The following WWOX variants were observed in gnomAD, a reference collection of about 807,000 sequenced individuals.
WWOX encodes the protein WW domain containing oxidoreductase.
Under a neutral mutation model 46.2 loss-of-function variants are expected in WWOX, and 69 were observed. The observed-to-expected ratio is 1.49, with a 90% CI of 1.23 to 1.82. The LOEUF (loss-of-function observed/expected upper bound fraction) is 1.82. WWOX is among the 40% of genes most tolerant of loss of function. WWOX has a pLI of 0.00. For missense variants in WWOX, 919 were observed against 542.6 expected, an observed-to-expected ratio of 1.69 and a Z score of -6.89; for synonymous variants, 359 against 202.6, an observed-to-expected ratio of 1.77 and a Z score of -6.56.
rs116261475 is a variant in WWOX, at chr16:78,704,961, C to T, written c.1056+272209C>T. 3.8e-3 allele frequency among the ~76,000 whole-genome samples: 573 copies of T among 150,554 alleles called. 1 individual carries two copies. Among genetic ancestry groups the T allele is most frequent in the African/African-American group, 0.013 (548 of 40,826 alleles). On this transcript the variant is annotated intron_variant, in intron 8 of 8. Transcript: ENST00000566780. ...AAGAGGAGGAAGCCTTAAAAACCAG[C>T]GACAGTCTTGGTTTTCTTAACCTGT...
chr16:78,156,446 T>A (rs1002270059), intron 4 of WWOX, among the ~76,000 whole-genome samples: 7 of 152,210 alleles, frequency 4.6e-5, no homozygotes, highest in Admixed American at 6.5e-5. Context: ...AAGAGGGCCA[T>A]CGTGTTGCAG....
At chr16:78,459,382 C>G (rs562919596) in intron 8 of WWOX, among the ~76,000 whole-genome samples, 1 of 152,146 alleles carries the variant, frequency 6.6e-6, no homozygotes, top group Non-Finnish European at 1.5e-5. Context: ...TGGATATTTC[C>G]GAGTGGCCTA....
chr16:78,611,293 C>A (rs755879234), intron 8 of WWOX, among the ~76,000 whole-genome samples: 2 of 152,156 alleles, frequency 1.3e-5, no homozygotes, highest in Non-Finnish European at 2.9e-5. Flanking sequence ...TCAACCTAGC[C>A]TTTTATTTTA....
chr16:78,934,641 AATGTG>A (rs1380441572), intron 8 of WWOX, among the ~76,000 whole-genome samples: 1 of 152,096 alleles, frequency 6.6e-6, no homozygotes, highest in Non-Finnish European at 1.5e-5. Flanking sequence ...AGGCCTTGCT[AATGTG>A]GGGTCTTTGT....
intron 8 of WWOX, among the ~76,000 whole-genome samples, chr16:78,930,732 G>C (rs563597281): frequency 1.5e-3 from 227 of 152,138 alleles, no homozygotes; most frequent in African/African-American, 5.0e-3. Flanking sequence ...GAGTAAAGTT[G>C]AGCAGAAGAA....
At chr16:78,910,832 C>T (rs745944858) in intron 8 of WWOX, among the ~76,000 whole-genome samples, 21 of 151,824 alleles carry the variant, frequency 1.4e-4, no homozygotes, top group Non-Finnish European at 1.9e-4. Flanking sequence ...CCTCCCATGA[C>T]GTGGGAATTA....
chr16:78,897,643 C>T (rs1454800991), intron 8 of WWOX: 3 of 152,184 alleles, frequency 2.0e-5, no homozygotes, highest in Middle Eastern at 3.4e-3. Context: ...ATTCATAAAT[C>T]CTGTATACAT....
intron 8 of WWOX, among the ~76,000 whole-genome samples, chr16:78,882,058 G>A (rs948667401): frequency 6.7e-6 from 1 of 149,678 alleles, no homozygotes; most frequent in African/African-American, 2.5e-5. Flanking sequence ...CCCGGGAGAC[G>A]GAGGTTGCAG....
At chr16:78,392,023 C>A (rs970491890) in intron 6 of WWOX, among the ~76,000 whole-genome samples, 1 of 133,198 alleles carries the variant, frequency 7.5e-6, no homozygotes, top group African/African-American at 2.8e-5. Flanking sequence ...AAAAAAATTT[C>A]TTTTAATGCA....
intron 8 of WWOX, among the ~76,000 whole-genome samples, chr16:78,480,542 A>G (rs2084461072): frequency 6.6e-6 from 1 of 152,246 alleles, no homozygotes; most frequent in East Asian, 1.9e-4. Context: ...TGCTAAGAAA[A>G]GAGGTGGCAG....
intron 8 of WWOX, among the ~76,000 whole-genome samples, chr16:79,136,047 C>A (rs1048429224): frequency 1.3e-5 from 2 of 152,114 alleles, no homozygotes; most frequent in East Asian, 3.9e-4. Context: ...TTTTAACTTT[C>A]TATATTCAAA....
At chr16:78,433,098 A>G (rs181830925) in intron 8 of WWOX, among the ~76,000 whole-genome samples, 11 of 152,310 alleles carry the variant, frequency 7.2e-5, no homozygotes, top group African/African-American at 2.6e-4. Context: ...GGAGCACTTG[A>G]AAACTGCTGT....
intron 8 of WWOX, among the ~76,000 whole-genome samples, chr16:78,555,403 A>T (rs1172345298): frequency 6.6e-6 from 1 of 152,124 alleles, no homozygotes; most frequent in Non-Finnish European, 1.5e-5. Context: ...CGATGTGTAT[A>T]GCATACAGAG....
intron 8 of WWOX, among the ~76,000 whole-genome samples, chr16:78,983,128 A>G (rs530082330): frequency 6.6e-6 from 1 of 152,324 alleles, no homozygotes; most frequent in South Asian, 2.1e-4. Flanking sequence ...GCATCCAAAC[A>G]TCTTTTTCCC....
chr16:78,500,838 C>T (rs2085044472), intron 8 of WWOX, among the ~76,000 whole-genome samples: 1 of 152,132 alleles, frequency 6.6e-6, no homozygotes, highest in African/African-American at 2.4e-5. Context: ...TGTACAACAG[C>T]GCCTGTGCTG....
intron 5 of WWOX, chr16:78,355,758 C>A (rs1203012256): frequency 1.4e-6 from 1 of 710,878 alleles, no homozygotes; most frequent in Non-Finnish European, 2.5e-6. Context: ...TATGAATCAA[C>A]AAAACAGAAT....
At chr16:78,632,078 A>G (rs770490892) in intron 8 of WWOX, among the ~76,000 whole-genome samples, 1 of 152,308 alleles carries the variant, frequency 6.6e-6, no homozygotes, top group African/African-American at 2.4e-5. Flanking sequence ...CAGAAACTGG[A>G]GACCAAACTA....
chr16:78,848,756 A>G lies in WWOX; in HGVS notation c.1057-362852A>G, dbSNP rs572673916. Reference sequence around the variant, plus strand: ...GGTTGAACCACCAGTTCTCAATGCCATACATGAGATTCCCAAAATAGACGG... The same window carrying G: ...GGTTGAACCACCAGTTCTCAATGCCGTACATGAGATTCCCAAAATAGACGG... On this transcript the variant is annotated intron_variant, in intron 8 of 8. Coordinates refer to ENST00000566780, the MANE Select transcript of WWOX (RefSeq NM_016373.4). 2.4e-4 allele frequency among the ~76,000 whole-genome samples: 37 copies of G among 152,050 alleles called. 1 individual carries two copies. Among genetic ancestry groups the G allele is most frequent in the African/African-American group, 7.2e-4 (30 of 41,476 alleles).
intron 8 of WWOX, among the ~76,000 whole-genome samples, chr16:78,523,003 C>G (rs374095924): frequency 6.6e-6 from 1 of 152,108 alleles, no homozygotes; most frequent in Non-Finnish European, 1.5e-5. Context: ...AGCTGGGAGG[C>G]GGAGGTTGCA....
Sources: gnomAD v4.1 joint callset for allele counts (sites outside exome capture counted in the v4.1 genomes callset) on GRCh38, gnomAD v4.1.1 for gene constraint, MANE v1.5 for transcripts, NCBI Gene and HGNC (gene_info 2026-07-23, HGNC 2026-07-21) for gene names.